The following KCNG2 variants were observed in gnomAD, a reference collection of about 807,000 sequenced individuals.
KCNG2 encodes the protein potassium voltage-gated channel modifier subfamily G member 2, also known as voltage-gated potassium channel regulatory subunit KCNG2.
A neutral mutation model predicts 12.3 loss-of-function variants in KCNG2; 7 were observed. The ratio of observed to expected loss-of-function variants is 0.57; its 90% confidence interval spans 0.32 to 1.07. The LOEUF (loss-of-function observed/expected upper bound fraction) is 1.07, where lower values mean the gene tolerates loss of function less well. Among genes scored for constraint, KCNG2 ranks in the 50% least tolerant of loss-of-function variants. The pLI, the probability that KCNG2 is intolerant of heterozygous loss-of-function variation, is 0.04. For missense variants in KCNG2, 703 were observed against 726.0 expected, an observed-to-expected ratio of 0.97 and a Z score of 0.36; for synonymous variants, 414 against 351.4, an observed-to-expected ratio of 1.18 and a Z score of -1.99.
At chr18:79,849,413 C>G (rs988343319) in intron 1 of KCNG2, among the ~76,000 whole-genome samples, 11 of 152,236 alleles carry the variant, frequency 7.2e-5, no homozygotes, top group African/African-American at 2.7e-4. Context: ...CCCTGCACCC[C>G]CATCTGACCC....
chr18:79,899,675 G>A lies in KCNG2; in HGVS notation c.1260G>A (p.Gln420=). 6.2e-7 allele frequency: 1 copy of A among 1,608,312 alleles called. No homozygotes were observed. The highest frequency in any genetic ancestry group is 8.5e-7 in the Non-Finnish European group (1 of 1,178,194). ...RSYSELKEQQ[Q]RAASPEPALQ... is the part of the protein sequence containing the mutation. ...ACTCCGAGCTCAAGGAGCAGCAGCA[G>A]CGCGCGGCCAGCCCCGAGCCGGCCC... The change falls in exon 4 of 4, where the codon CAG becomes CAA. Residue 420 remains glutamine, a synonymous_variant. Transcript: ENST00000316249.
intron 3 of KCNG2, among the ~76,000 whole-genome samples, chr18:79,868,337 G>A (rs1039957173): frequency 5.3e-5 from 8 of 151,928 alleles, no homozygotes; most frequent in African/African-American, 7.3e-5. Context: ...CTGGTGACCC[G>A]TGTCCGAGCG....
chr18:79,798,643 G>A (rs2087383104), intron 1 of KCNG2, among the ~76,000 whole-genome samples: 1 of 152,242 alleles, frequency 6.6e-6, no homozygotes. Flanking sequence ...TTGGGGGAGA[G>A]AAGACCCAGC....
At chr18:79,829,120 A>G (rs1406121251) in intron 1 of KCNG2, among the ~76,000 whole-genome samples, 1 of 101,468 alleles carries the variant, frequency 9.9e-6, no homozygotes. Flanking sequence ...CATGTCCATG[A>G]TGTGTGCATG....
intron 1 of KCNG2, among the ~76,000 whole-genome samples, chr18:79,853,945 C>G (rs1037183037): frequency 5.9e-5 from 9 of 152,248 alleles, no homozygotes; most frequent in African/African-American, 2.2e-4. Flanking sequence ...GGTTTCCAAC[C>G]TCGGGGTCCA....
intron 1 of KCNG2, among the ~76,000 whole-genome samples, chr18:79,825,554 G>A (rs1568247011): frequency 2.6e-5 from 4 of 152,214 alleles, no homozygotes; most frequent in African/African-American, 2.4e-5. Context: ...TCCCCTCAGC[G>A]AGGAGTCTCA....
chr18:79,835,899 A>C (rs1193884095), intron 1 of KCNG2, among the ~76,000 whole-genome samples: 1 of 152,260 alleles, frequency 6.6e-6, no homozygotes. Flanking sequence ...AAAACACAAG[A>C]GATAAATCAA....
Position 79,884,725 on chromosome 18 carries a change from C to A in KCNG2, c.625-14315C>A, listed in dbSNP as rs775380120. Reference sequence around the variant, plus strand: ...AGACACGTGGCTTCGTGATGGGGAGCCACGGGGGCAGGGGTCCGCCCGGCT... The same window carrying A: ...AGACACGTGGCTTCGTGATGGGGAGACACGGGGGCAGGGGTCCGCCCGGCT... On this transcript the variant is annotated intron_variant, in intron 3 of 3. Coordinates refer to ENST00000316249, the MANE Select transcript of KCNG2 (RefSeq NM_012283.2). This position sits in a 1 kb window ranked among gnomAD's most constrained non-coding sequence, Gnocchi z 5.5. Among the ~76,000 whole-genome samples, 1 of 152,212 alleles carries A rather than the reference C, an allele frequency of 6.6e-6. No individual in the cohort carries two copies. The highest frequency in any genetic ancestry group is 2.4e-5 in the African/African-American group (1 of 41,448).
At chr18:79,836,310 T>A (rs1347358804) in intron 1 of KCNG2, among the ~76,000 whole-genome samples, 2 of 152,142 alleles carry the variant, frequency 1.3e-5, no homozygotes, top group African/African-American at 2.4e-5. Flanking sequence ...AAATGAAGGA[T>A]CTAAGAGGAC....
At chr18:79,829,516 C>T (rs538431282) in intron 1 of KCNG2, among the ~76,000 whole-genome samples, 7 of 152,234 alleles carry the variant, frequency 4.6e-5, no homozygotes, top group East Asian at 3.9e-4. Flanking sequence ...CACACCAGTC[C>T]GTCTCTGCCT....
chr18:79,873,792 G>A (rs1979959859), intron 3 of KCNG2, among the ~76,000 whole-genome samples: 1 of 152,364 alleles, frequency 6.6e-6, no homozygotes, highest in East Asian at 1.9e-4. Flanking sequence ...GCCTCACTGG[G>A]CCAGGAGGCG....
intron 3 of KCNG2, among the ~76,000 whole-genome samples, chr18:79,880,429 C>T (rs976043792): frequency 1.3e-5 from 2 of 151,828 alleles, no homozygotes; most frequent in African/African-American, 4.8e-5. Flanking sequence ...TAACATAATC[C>T]TATGGTAATT....
At chr18:79,809,451 G>A (rs2087475282) in intron 1 of KCNG2, among the ~76,000 whole-genome samples, 1 of 143,944 alleles carries the variant, frequency 6.9e-6, no homozygotes, top group African/African-American at 2.6e-5. Flanking sequence ...TCGCCCTGAG[G>A]AGCTGCCGGG....
chr18:79,876,534 A>G (rs1215076907), intron 3 of KCNG2, among the ~76,000 whole-genome samples: 2 of 152,226 alleles, frequency 1.3e-5, no homozygotes, highest in Non-Finnish European at 2.9e-5. Context: ...GTTGAATTCT[A>G]ACTCGTGACT....
intron 1 of KCNG2, among the ~76,000 whole-genome samples, chr18:79,829,864 T>G (rs192783003): frequency 1.4e-4 from 21 of 152,366 alleles, no homozygotes; most frequent in Admixed American, 3.9e-4. Flanking sequence ...TACTCCCATC[T>G]GTCTAACTTG....
At chr18:79,863,519 G>C in intron 2 of KCNG2, 109 bp from the exon 3 acceptor site, 2 of 908,204 alleles carry the variant, frequency 2.2e-6, no homozygotes, top group South Asian at 1.1e-4. Context: ...AGGGGTCTCC[G>C]AGCTCACCTC....
At chr18:79,815,285 G>GA (rs1242151577) in intron 1 of KCNG2, among the ~76,000 whole-genome samples, 1 of 151,832 alleles carries the variant, frequency 6.6e-6, no homozygotes, top group African/African-American at 2.4e-5. Context: ...CAAAAAAATA[G>GA]AAAAAATTAT....
chr18:79,894,492 T>C (rs1306625444), intron 3 of KCNG2, among the ~76,000 whole-genome samples: 8 of 152,156 alleles, frequency 5.3e-5, no homozygotes, highest in Non-Finnish European at 1.0e-4. Flanking sequence ...ATGTTACAAT[T>C]GATATAGTTG....
intron 3 of KCNG2, among the ~76,000 whole-genome samples, chr18:79,898,190 T>G (rs1981047433): frequency 6.6e-6 from 1 of 152,182 alleles, no homozygotes; most frequent in Non-Finnish European, 1.5e-5. Flanking sequence ...TCAGTTCCTT[T>G]GAGAAGAGAT....
Sources: gnomAD v4.1 joint callset for allele counts (sites outside exome capture counted in the v4.1 genomes callset) on GRCh38, gnomAD v4.1.1 for gene constraint, Gnocchi (gnomAD v3.1) non-coding constraint, MANE v1.5 for transcripts, NCBI Gene and HGNC (gene_info 2026-07-23, HGNC 2026-07-21) for gene names.